TNK2: variants seen among roughly 807,000 people sequenced by gnomAD.
TNK2 encodes tyrosine kinase non receptor 2, also known as activated CDC42 kinase 1.
Under a neutral mutation model 101.8 loss-of-function variants are expected in TNK2, and 83 were observed. That is an observed-to-expected ratio of 0.82 (90% CI 0.68 to 0.98). The LOEUF (loss-of-function observed/expected upper bound fraction) is 0.98, where lower values mean the gene tolerates loss of function less well. TNK2 is among the 50% of genes least tolerant of loss of function. The pLI, the probability that TNK2 is intolerant of heterozygous loss-of-function variation, is 0.00. For synonymous variants in TNK2, 804 were observed against 633.0 expected, an observed-to-expected ratio of 1.27 and a Z score of -4.06; for missense variants, 1,665 against 1,483.2, an observed-to-expected ratio of 1.12 and a Z score of -2.01.
At chr3:195,901,747 C>T (rs557559809) in intron 1 of TNK2, among the ~76,000 whole-genome samples, 1 of 152,322 alleles carries the variant, frequency 6.6e-6, no homozygotes, top group East Asian at 1.9e-4. Context: ...ATTATCCCCA[C>T]TTTACAAATA....
chr3:195,865,584 G>T (rs925649328), intron 15 of TNK2, among the ~76,000 whole-genome samples: 1 of 147,492 alleles, frequency 6.8e-6, no homozygotes, highest in Non-Finnish European at 1.5e-5. Flanking sequence ...GACAGTGACA[G>T]ACAGGTGACA....
Position 195,878,163 on chromosome 3 carries a change from T to A in TNK2, c.1256+90A>T. On this transcript the variant is annotated intron_variant, in intron 9 of 15. Transcript: ENST00000672887. This position sits in a 1 kb window ranked among gnomAD's most constrained non-coding sequence, Gnocchi z 4.7. ...GCCAGCCTGTATGTGGCCAAGGGAA[T>A]CTTGGAGGCCAAACAGATCTGTCCA... 7.2e-7 allele frequency: 1 copy of A among 1,388,818 alleles called. No individual in the cohort carries two copies. The highest frequency in any genetic ancestry group is 1.2e-5 in the South Asian group (1 of 85,940). 86.0% of individuals were successfully genotyped at this position (1,388,818 alleles called of 1,614,324 possible).
In TNK2 at chr3:195,886,995, G is replaced by A; in HGVS notation, c.216C>T (p.Arg72=). The change falls in exon 3 of 16, where the codon CGC becomes CGT. Residue 72 remains arginine (R), a synonymous_variant. Coordinates refer to ENST00000672887, the MANE Select transcript of TNK2 (RefSeq NM_001382273.1). This position sits in a 1 kb window ranked among gnomAD's most constrained non-coding sequence, Gnocchi z 4.2. ...CACCCACCTTACTCATCCACGACTTGCGTTTGCACAAGGCCTTCCTCCTCT... is the reference window on the plus strand; with the variant it reads ...CACCCACCTTACTCATCCACGACTTACGTTTGCACAAGGCCTTCCTCCTCT... ...AVKRRKALCK[R]KSWMSKVFSG... 2 of 1,600,836 alleles carry A rather than the reference G, an allele frequency of 1.2e-6. No homozygotes were observed. Among genetic ancestry groups the A allele is most frequent in the Non-Finnish European group, 1.7e-6 (2 of 1,172,080 alleles).
Position 195,888,712 on chromosome 3 carries a change from G to A in TNK2, c.-18-106C>T. On this transcript the variant is annotated intron_variant, in intron 1 of 15. Coordinates refer to ENST00000672887, the MANE Select transcript of TNK2 (RefSeq NM_001382273.1). This position sits in a 1 kb window ranked among gnomAD's most constrained non-coding sequence, Gnocchi z 5.3. Reference sequence around the variant, plus strand: ...ATCCCACTACACGGCCACCCGGAAGGGCTCACACCACCTTCTGACTCCCGA... The same window carrying A: ...ATCCCACTACACGGCCACCCGGAAGAGCTCACACCACCTTCTGACTCCCGA... 1 of 1,081,214 alleles carries A rather than the reference G, an allele frequency of 9.2e-7. No individual in the cohort carries two copies. The highest frequency in any genetic ancestry group is 1.3e-6 in the Non-Finnish European group (1 of 775,030). 67.0% of individuals were successfully genotyped at this position (1,081,214 alleles called of 1,614,324 possible).
intron 12 of TNK2, chr3:195,869,268 T>G: frequency 5.0e-6 from 3 of 602,786 alleles, no homozygotes; most frequent in East Asian, 2.8e-5. Flanking sequence ...TGGGAGGGAG[T>G]GAGGCCGAGG....
At position 195,864,004 on chromosome 3, in the gene TNK2, A is replaced by G. The variant is rs6773526; in HGVS notation, c.*177T>C. 0.76 allele frequency: 565,690 copies of G among 744,506 alleles called. 217,388 individuals carry two copies. The highest frequency in any genetic ancestry group is 0.95 in the African/African-American group (54,250 of 57,252). The allele number at this position is 744,506 out of a possible 1,614,324, so 46.1% of individuals were successfully genotyped here. On this transcript the variant is annotated 3_prime_UTR_variant, in exon 16 of 16. Coordinates refer to ENST00000672887, the MANE Select transcript of TNK2 (RefSeq NM_001382273.1). Reference sequence around the variant, plus strand: ...AAGTGTGCAGGGACAGCGCTGGTGCAGGAGGGATGGGCAGGGCAGGGCTCC... The same window carrying G: ...AAGTGTGCAGGGACAGCGCTGGTGCGGGAGGGATGGGCAGGGCAGGGCTCC...
Position 195,869,350 on chromosome 3 carries a change from C to T in TNK2, c.1588+147G>A, listed in dbSNP as rs1743233290. 7 of 878,048 alleles carry T rather than the reference C, an allele frequency of 8.0e-6. No individual in the cohort carries two copies. The East Asian group carries it at 1.9e-4, about 23-fold the overall frequency. 54.4% of individuals were successfully genotyped at this position (878,048 alleles called of 1,614,324 possible). ...GCGGGCTCGAGGGGGGGCAGGCATG[C>T]TAGGCCAGGGCAGCCGCGGAAGCTC... On this transcript the variant is annotated intron_variant, in intron 12 of 15. Transcript: ENST00000672887.
At chr3:195,901,567 C>T (rs1761211371) in intron 1 of TNK2, among the ~76,000 whole-genome samples, 1 of 152,148 alleles carries the variant, frequency 6.6e-6, no homozygotes, top group African/African-American at 2.4e-5. Context: ...TCCCCTCTCA[C>T]CTTCCTTAGA....
At chr3:195,892,193 T>G (rs983907756) in intron 1 of TNK2, among the ~76,000 whole-genome samples, 22 of 152,190 alleles carry the variant, frequency 1.4e-4, no homozygotes, top group Non-Finnish European at 1.9e-4. Context: ...TCTGCACACC[T>G]GTGTCCGTCA....
rs768131879 is a variant in TNK2, at chr3:195,879,106, T to A, written c.957A>T (p.Thr319=). ...HASDTWMFGV[T]LWEMFTYGQE... ...GGCCGTAGGTGAACATTTCCCACAG[T>A]GTCACCCCGAACATCCAGGTGTCGC... Residue 319 remains threonine (T), a synonymous_variant, in exon 7 of 16, where the codon ACA becomes ACT. Transcript: ENST00000672887. 1 of 1,613,612 alleles carries A rather than the reference T, an allele frequency of 6.2e-7. No individual in the cohort carries two copies.
chr3:195,883,369 A>G (rs888332203), intron 4 of TNK2, 60 bp from the exon 5 acceptor site: 134 of 1,594,344 alleles, frequency 8.4e-5, no homozygotes, highest in Non-Finnish European at 1.1e-4. Flanking sequence ...ACGCGGAGCC[A>G]ACCTGCTCCA....
Position 195,868,223 on chromosome 3 carries a change from G to C in TNK2, c.2075C>G (p.Ala692Gly). The C allele has an allele frequency of 1.9e-6, 3 of 1,606,152 alleles. No homozygotes were observed. Among genetic ancestry groups the C allele is most frequent in the Non-Finnish European group, 2.5e-6 (3 of 1,179,262 alleles). Residue 692 changes from alanine to glycine, a missense_variant, in exon 13 of 16, where the codon GCG (alanine) becomes GGG (glycine). Ala to Gly is a moderately conservative substitution (Grantham distance 60). Around this residue, in one of 3 missense-constraint regions of TNK2, gnomAD observed 1,136 missense variants for 894.9 expected, o/e 1.27. Coordinates refer to ENST00000672887, the MANE Select transcript of TNK2 (RefSeq NM_001382273.1). ...QTNYAFVPEQ[A>G]RPPPPLEDNL... The stretch of plus-strand genomic sequence containing the variant: ...GTCCTCCAGGGGAGGGGGCGGCCGC[G>C]CCTGCTCAGGCACAAAGGCGTAGTT...
At chr3:195,893,881 C>A (rs1235874357) in intron 1 of TNK2, among the ~76,000 whole-genome samples, 4 of 152,220 alleles carry the variant, frequency 2.6e-5, no homozygotes, top group Non-Finnish European at 5.9e-5. Flanking sequence ...CCTCTCCCAG[C>A]ACTTGACCTC....
At position 195,867,181 on chromosome 3, in the gene TNK2, G is replaced by A; in HGVS notation, c.3021C>T (p.Ala1007=). 3.1e-6 allele frequency: 5 copies of A among 1,612,886 alleles called. No individual in the cohort carries two copies. Among genetic ancestry groups the A allele is most frequent in the Non-Finnish European group, 4.2e-6 (5 of 1,179,888 alleles). Residue 1007 remains alanine, a synonymous_variant, in exon 14 of 16, where the codon GCC becomes GCT. Coordinates refer to ENST00000672887, the MANE Select transcript of TNK2 (RefSeq NM_001382273.1). The part of the protein sequence containing the change: ...QCHGWSVQRA[A]QYLKVEQLFG... ...GAGGTGGCGGTACCTTCAGATACTG[G>A]GCAGCCCTCTGCACGCTCCAGCCGT...
Position 195,868,034 on chromosome 3 carries a change from G to T in TNK2, c.2264C>A (p.Pro755His). Residue 755 changes from proline to histidine, a missense_variant, in exon 13 of 16, where the codon CCT becomes CAT. Transcript: ENST00000672887. ...CCGAGGGGGGATGGGTACCCGAGGA[G>T]GCACCTGGGGCTTGTCGTCACCCCC... ...SPGGDDKPQV[P>H]PRVPIPPRPT... 1 of 1,592,092 alleles carries T rather than the reference G, an allele frequency of 6.3e-7. No homozygotes were observed.
In TNK2 at chr3:195,869,101, C is replaced by T. The variant is rs747831861; in HGVS notation, c.1589-392G>A. ...CACACCATTAGTGCAGGCACGGAGC[C>T]GCCTCCTGCCATCAGGGGCTATAAG... On this transcript the variant is annotated intron_variant, in intron 12 of 15. Coordinates refer to ENST00000672887, the MANE Select transcript of TNK2 (RefSeq NM_001382273.1). 12 of 466,686 alleles carry T rather than the reference C, an allele frequency of 2.6e-5. 1 individual carries two copies. Among genetic ancestry groups the T allele is most frequent in the African/African-American group, 9.7e-5 (5 of 51,406 alleles). The allele number at this position is 466,686 out of a possible 1,614,324, so 28.9% of individuals were successfully genotyped here. A position where few individuals can be genotyped will look rare whatever the true frequency, so the allele number is the denominator to read the frequency against.
At chr3:195,868,866 T>G (rs1742782875) in intron 12 of TNK2, 157 bp from the exon 13 acceptor site, 4 of 817,628 alleles carry the variant, frequency 4.9e-6, no homozygotes, top group Non-Finnish European at 7.3e-6. Context: ...GGCCAGGTTC[T>G]CAGCGCACCT....
At chr3:195,875,654 C>T (rs559365216) in intron 9 of TNK2, among the ~76,000 whole-genome samples, 77 of 99,088 alleles carry the variant, frequency 7.8e-4, no homozygotes, top group East Asian at 7.1e-3. Flanking sequence ...GCCCTGTCCG[C>T]GCCCTCTCTC....
intron 6 of TNK2, 120 bp from the exon 7 acceptor site, chr3:195,879,295 T>C: frequency 2.7e-6 from 4 of 1,490,446 alleles, no homozygotes; most frequent in Non-Finnish European, 3.6e-6. Flanking sequence ...GGTTCAACAG[T>C]GGGTCTCAGG....
Sources: allele counts gnomAD v4.1 joint callset (sites outside exome capture counted in the v4.1 genomes callset), GRCh38; gene constraint gnomAD v4.1.1; regional missense constraint gnomAD v4.1.1; non-coding constraint Gnocchi (gnomAD v3.1); transcripts MANE v1.5; gene names NCBI Gene and HGNC (gene_info 2026-07-23, HGNC 2026-07-21).